The following KIF13A variants were observed in gnomAD, a reference collection of about 807,000 sequenced individuals.
KIF13A encodes kinesin family member 13A.
In KIF13A, 79 loss-of-function variants were observed where a neutral mutation model predicts 212.2. That is an observed-to-expected ratio of 0.37 (90% CI 0.31 to 0.45). The LOEUF is 0.45. Among genes scored for constraint, KIF13A ranks in the 20% least tolerant of loss-of-function variants. The pLI, the probability that KIF13A is intolerant of heterozygous loss-of-function variation, is 1.00. For missense variants in KIF13A, 1,901 were observed against 2,209.0 expected (o/e 0.86, Z 2.79); for synonymous variants, 789 against 808.6 (o/e 0.98, Z 0.41).
At chr6:17,876,940 A>G (rs1391261339) in intron 3 of KIF13A, among the ~76,000 whole-genome samples, 1 of 152,086 alleles carries the variant, frequency 6.6e-6, no homozygotes, top group Non-Finnish European at 1.5e-5. Context: ...CGGCCTGTAT[A>G]TATGTTTCAT....
At chr6:17,832,005 A>C (rs772881429) in intron 12 of KIF13A, among the ~76,000 whole-genome samples, 2 of 152,092 alleles carry the variant, frequency 1.3e-5, no homozygotes, top group Non-Finnish European at 2.9e-5. Context: ...AGAATTTCCA[A>C]TGGTGTTAAG....
chr6:17,942,963 A>C (rs1394362682), intron 2 of KIF13A, among the ~76,000 whole-genome samples: 2 of 152,190 alleles, frequency 1.3e-5, no homozygotes, highest in Non-Finnish European at 2.9e-5. Context: ...TGGCCGACAG[A>C]GTGAGACTCT....
chr6:17,854,803 T>G (rs1386718246), intron 6 of KIF13A, among the ~76,000 whole-genome samples: 1 of 152,114 alleles, frequency 6.6e-6, no homozygotes, highest in Non-Finnish European at 1.5e-5. Flanking sequence ...TCTGCTCACC[T>G]TGGCCTCCCA....
rs572685580 is a variant in KIF13A, at chr6:17,806,565, C to CT, written c.2164-951dup. On this transcript the variant is annotated intron_variant, in intron 18 of 38. Coordinates refer to ENST00000259711, the MANE Select transcript of KIF13A (RefSeq NM_022113.6). ...CTTACTTTTTTTAAATTTAGTTTTT[C>CT]TTTTTTTCTGAGTCATAGAAAAACA... is the stretch of plus-strand genomic sequence containing the variant. Among the ~76,000 whole-genome samples the CT allele has an allele frequency of 1.6e-4, 24 of 152,212 alleles. No homozygotes were observed. The East Asian group carries it at 4.1e-3, about 26-fold the overall frequency.
At position 17,825,813 on chromosome 6, in the gene KIF13A, CATAGTT is replaced by C. The variant is rs1562022466; in HGVS notation, c.1735_1740del (p.Asn579_Tyr580del). ...ATGATAACTTCCATCTGTGCAAATT[CATAGTT>C]ATAGTCTGGTTCAGAGGAAGCCTCA... is the stretch of plus-strand genomic sequence containing the variant. On this transcript the variant is annotated inframe_deletion, in exon 16 of 39. Coordinates refer to ENST00000259711, the MANE Select transcript of KIF13A (RefSeq NM_022113.6). The surrounding 1 kb of genome is among the most constrained non-coding windows in gnomAD (Gnocchi z 4.5). 1 of 1,613,982 alleles carries C rather than the reference CATAGTT, an allele frequency of 6.2e-7. No homozygotes were observed. The highest frequency in any genetic ancestry group is 1.7e-5 in the Admixed American group (1 of 60,012).
Position 17,799,887 on chromosome 6 carries a change from T to C in KIF13A, c.2616+65A>G, listed in dbSNP as rs925787940. 6 of 1,551,808 alleles carry C rather than the reference T, an allele frequency of 3.9e-6. No homozygotes were observed. Among genetic ancestry groups the C allele is most frequent in the Non-Finnish European group, 5.2e-6 (6 of 1,145,214 alleles). The stretch of plus-strand genomic sequence containing the variant: ...CCTGGATGAAAAACTCTCATAAGAT[T>C]TTTTGTAAAATGGTTTTGCATGAAA... On this transcript the variant is annotated intron_variant, in intron 21 of 38. Coordinates refer to ENST00000259711, the MANE Select transcript of KIF13A (RefSeq NM_022113.6). This position sits in a 1 kb window ranked among gnomAD's most constrained non-coding sequence, Gnocchi z 4.4.
intron 35 of KIF13A, 23 bp downstream of exon 35, chr6:17,774,992 T>C: frequency 1.3e-6 from 2 of 1,596,826 alleles, no homozygotes; most frequent in Non-Finnish European, 1.7e-6. Context: ...ACTAAAAACC[T>C]AGCCATGCCC....
At chr6:17,820,804 C>T (rs1411833966) in intron 16 of KIF13A, among the ~76,000 whole-genome samples, 1 of 152,100 alleles carries the variant, frequency 6.6e-6, no homozygotes, top group Admixed American at 6.6e-5. Flanking sequence ...GAGCTCAAAC[C>T]GACCCATCAT....
At position 17,786,054 on chromosome 6, in the gene KIF13A, G is replaced by A. The variant is rs975559081; in HGVS notation, c.3362-413C>T. Among the ~76,000 whole-genome samples, 6 of 152,190 alleles carry A rather than the reference G, an allele frequency of 3.9e-5. No homozygotes were observed. Among genetic ancestry groups the A allele is most frequent in the African/African-American group, 1.2e-4 (5 of 41,440 alleles). ...GAGCATGCATAGGGAGCTAAGAGGG[G>A]CTTCAACACCAATTTAAGGAACTGC... On this transcript the variant is annotated intron_variant, in intron 27 of 38. Transcript: ENST00000259711. The surrounding 1 kb of genome is among the most constrained non-coding windows in gnomAD (Gnocchi z 5.4).
chr6:17,914,340 T>C lies in KIF13A; in HGVS notation c.147-16160A>G, dbSNP rs1774316337. Reference sequence around the variant, plus strand: ...TGCCCAGAAGCTGAGTAGAATTAATTCAGAATAGATTTTCATTTCTATGCA... The same window carrying C: ...TGCCCAGAAGCTGAGTAGAATTAATCCAGAATAGATTTTCATTTCTATGCA... On this transcript the variant is annotated intron_variant, in intron 2 of 38. Transcript: ENST00000259711. The surrounding 1 kb of genome is among the most constrained non-coding windows in gnomAD (Gnocchi z 5.9). Among the ~76,000 whole-genome samples, 1 of 152,166 alleles carries C rather than the reference T, an allele frequency of 6.6e-6. No individual in the cohort carries two copies. Among genetic ancestry groups the C allele is most frequent in the African/African-American group, 2.4e-5 (1 of 41,428 alleles).
At position 17,825,794 on chromosome 6, in the gene KIF13A, A is replaced by C; in HGVS notation, c.1760T>G (p.Val587Gly). Residue 587 changes from valine to glycine, a missense_variant, in exon 16 of 39, where the codon GTT (valine) becomes GGT (glycine). Physicochemically the swap from Val to Gly is moderately radical, Grantham distance 109 (BLOSUM62 -3). Around this residue, in one of 5 missense-constraint regions of KIF13A, gnomAD observed 534 missense variants for 536.9 expected, o/e 0.99. Transcript: ENST00000259711. This position sits in a 1 kb window ranked among gnomAD's most constrained non-coding sequence, Gnocchi z 4.5. ...ATTACTATTCAGGGTTTTCATGATA[A>C]CTTCCATCTGTGCAAATTCATAGTT... ...DYNYEFAQME[V>G]IMKTLNSNDP... is the part of the protein sequence containing the mutation. The C allele has an allele frequency of 6.2e-7, 1 of 1,613,812 alleles. No homozygotes were observed. Among genetic ancestry groups the C allele is most frequent in the Non-Finnish European group, 8.5e-7 (1 of 1,179,852 alleles).
chr6:17,911,145 A>C (rs973263276), intron 2 of KIF13A, among the ~76,000 whole-genome samples: 8 of 152,244 alleles, frequency 5.3e-5, no homozygotes, highest in Non-Finnish European at 8.8e-5. Context: ...AACAGTTTAT[A>C]AATATAATAC....
intron 2 of KIF13A, among the ~76,000 whole-genome samples, chr6:17,985,552 A>T (rs1326743036): frequency 6.8e-6 from 1 of 147,604 alleles, no homozygotes; most frequent in Admixed American, 7.0e-5. Context: ...CAGGAGCTAA[A>T]AAGTATTCTA....
downstream of KIF13A, chr6:17,759,740 C>A (rs1758504983): frequency 6.6e-6 from 1 of 152,170 alleles, no homozygotes; most frequent in Non-Finnish European, 1.5e-5. Flanking sequence ...CTTCATAGCT[C>A]AGTCCATCTC....
At chr6:17,815,388 C>A (rs1196705516) in intron 17 of KIF13A, among the ~76,000 whole-genome samples, 1 of 152,148 alleles carries the variant, frequency 6.6e-6, no homozygotes, top group Non-Finnish European at 1.5e-5. Flanking sequence ...CTAACTCCCC[C>A]GGGAAAAGGG....
At chr6:17,907,710 CAGA>C (rs945505114) in intron 2 of KIF13A, among the ~76,000 whole-genome samples, 3 of 152,060 alleles carry the variant, frequency 2.0e-5, no homozygotes, top group Non-Finnish European at 4.4e-5. Flanking sequence ...AAATCCTAGG[CAGA>C]AGGACAGCTG....
rs182577439 is a variant in KIF13A at position 17,789,085 on chromosome 6, G to A, written c.3261+787C>T. 4.6e-4 allele frequency among the ~76,000 whole-genome samples: 70 copies of A among 152,306 alleles called. No individual in the cohort carries two copies. The highest frequency in any genetic ancestry group is 1.5e-3 in the African/African-American group (64 of 41,572). ...GAAAACATCCTTTGAAGATGTGTAT[G>A]GAGAATCCGTACAAAGACTGGGAAC... On this transcript the variant is annotated intron_variant, in intron 26 of 38. Transcript: ENST00000259711. The surrounding 1 kb of genome is among the most constrained non-coding windows in gnomAD (Gnocchi z 4.8).
chr6:17,880,627 CAAAAAAAAAAAAAAA>C (rs34817140), intron 3 of KIF13A, among the ~76,000 whole-genome samples: 1 of 69,328 alleles, frequency 1.4e-5, no homozygotes, highest in Non-Finnish European at 2.7e-5. Context: ...GACTCTGTCT[CAAAAAAAAAAAAAAA>C]AAAAAAAAGG....
chr6:17,846,649 T>C, intron 9 of KIF13A, among the ~76,000 whole-genome samples: 1 of 149,192 alleles, frequency 6.7e-6, no homozygotes, highest in East Asian at 2.0e-4. Flanking sequence ...AGAGGTAAGA[T>C]GTTGAGAGAA....
Sources: allele counts gnomAD v4.1 joint callset (sites outside exome capture counted in the v4.1 genomes callset), GRCh38; gene constraint gnomAD v4.1.1; regional missense constraint gnomAD v4.1.1; non-coding constraint Gnocchi (gnomAD v3.1); transcripts MANE v1.5; gene names NCBI Gene and HGNC (gene_info 2026-07-23, HGNC 2026-07-21).